CAMK1D: variants seen among roughly 807,000 people sequenced by gnomAD.
CAMK1D encodes the protein calcium/calmodulin dependent protein kinase ID, also known as calcium/calmodulin-dependent protein kinase type 1D.
In CAMK1D, 9 loss-of-function variants were observed where a neutral mutation model predicts 47.7. The ratio of observed to expected loss-of-function variants is 0.19; its 90% CI spans 0.11 to 0.33. CAMK1D has a LOEUF of 0.33. Among genes scored for constraint, CAMK1D ranks in the 10% least tolerant of loss-of-function variants. CAMK1D has a pLI of 1.00. For synonymous variants in CAMK1D, 184 were observed against 184.9 expected, an observed-to-expected ratio of 0.99 and a Z score of 0.04; for missense variants, 291 against 488.7, an observed-to-expected ratio of 0.60 and a Z score of 3.81.
chr10:12,520,040 G>A (rs1186690289), intron 1 of CAMK1D, among the ~76,000 whole-genome samples: 41 of 74,002 alleles, frequency 5.5e-4, no homozygotes, highest in East Asian at 1.4e-3. Context: ...CTCACCTCCC[G>A]GACGGGGCGG....
At chr10:12,547,868 C>G (rs544153278) in intron 1 of CAMK1D, among the ~76,000 whole-genome samples, 3 of 152,190 alleles carry the variant, frequency 2.0e-5, no homozygotes, top group Non-Finnish European at 4.4e-5. Flanking sequence ...TTTAAGAAGA[C>G]CAGAGAACTT....
intron 1 of CAMK1D, among the ~76,000 whole-genome samples, chr10:12,481,599 T>C (rs988462533): frequency 6.6e-6 from 1 of 152,096 alleles, no homozygotes; most frequent in African/African-American, 2.4e-5. Context: ...AACCTCCGCC[T>C]CCCAGGTTCC....
chr10:12,580,706 G>A (rs1468388362), intron 2 of CAMK1D, among the ~76,000 whole-genome samples: 4 of 152,216 alleles, frequency 2.6e-5, no homozygotes, highest in African/African-American at 9.7e-5. Context: ...ATGCAGGAGT[G>A]TGTGGAGAGG....
chr10:12,515,977 C>G (rs1349671108), intron 1 of CAMK1D, among the ~76,000 whole-genome samples: 2 of 152,030 alleles, frequency 1.3e-5, no homozygotes, highest in Non-Finnish European at 2.9e-5. Context: ...AGCATAATTT[C>G]TTTGGAGATT....
chr10:12,626,661 G>T (rs1839226575), intron 2 of CAMK1D, among the ~76,000 whole-genome samples: 1 of 152,062 alleles, frequency 6.6e-6, no homozygotes, highest in Non-Finnish European at 1.5e-5. Context: ...TTTTAGTAGA[G>T]ACAGGGTTTC....
intron 2 of CAMK1D, among the ~76,000 whole-genome samples, chr10:12,588,795 C>T (rs1184265000): frequency 2.4e-4 from 36 of 148,566 alleles, no homozygotes; most frequent in East Asian, 2.0e-3. Context: ...TATATACACA[C>T]ACACACACAC....
chr10:12,757,694 A>G (rs1836293755), intron 3 of CAMK1D, among the ~76,000 whole-genome samples: 2 of 152,260 alleles, frequency 1.3e-5, no homozygotes, highest in African/African-American at 4.8e-5. Context: ...TGGAGGCTGG[A>G]CGTCTGAGAT....
intron 2 of CAMK1D, among the ~76,000 whole-genome samples, chr10:12,660,359 C>G (rs1840240038): frequency 6.6e-6 from 1 of 152,210 alleles, no homozygotes; most frequent in South Asian, 2.1e-4. Context: ...ATGTTACTCT[C>G]ACTCCACAGA....
At chr10:12,629,930 T>C (rs905111126) in intron 2 of CAMK1D, among the ~76,000 whole-genome samples, 1 of 152,190 alleles carries the variant, frequency 6.6e-6, no homozygotes, top group Non-Finnish European at 1.5e-5. Context: ...TTCAGTCCAG[T>C]GATGTATACG....
Position 12,570,900 on chromosome 10 carries a change from G to A in CAMK1D, c.224+17544G>A, listed in dbSNP as rs574048400. Among the ~76,000 whole-genome samples the A allele has an allele frequency of 3.9e-5, 6 of 152,166 alleles. No individual in the cohort carries two copies. In the East Asian group the frequency reaches 5.8e-4, roughly 15 times the overall value. The stretch of plus-strand genomic sequence containing the variant: ...CCAGAGGCGGAGGTTGTAGTGAGCC[G>A]AGATTGCGTCACTGCACTCTAGCCT... On this transcript the variant is annotated intron_variant, in intron 2 of 10. Coordinates refer to ENST00000619168, the MANE Select transcript of CAMK1D (RefSeq NM_153498.4).
chr10:12,660,293 A>G (rs898897630), intron 2 of CAMK1D, among the ~76,000 whole-genome samples: 1 of 151,894 alleles, frequency 6.6e-6, no homozygotes, highest in Admixed American at 6.6e-5. Flanking sequence ...CTCATTTGCC[A>G]TGGAGTTAAA....
intron 8 of CAMK1D, among the ~76,000 whole-genome samples, chr10:12,819,892 G>A (rs574774512): frequency 2.0e-5 from 3 of 152,244 alleles, no homozygotes; most frequent in South Asian, 2.1e-4. Flanking sequence ...TGTCAGGGAC[G>A]GAGAAGCCAT....
At chr10:12,723,662 T>C (rs1296809229) in intron 3 of CAMK1D, among the ~76,000 whole-genome samples, 2 of 152,190 alleles carry the variant, frequency 1.3e-5, no homozygotes, top group East Asian at 1.9e-4. Context: ...GGCATTTTTT[T>C]CTATTAAAAT....
intron 5 of CAMK1D, among the ~76,000 whole-genome samples, chr10:12,783,445 A>T (rs1837588402): frequency 6.6e-6 from 1 of 152,226 alleles, no homozygotes; most frequent in South Asian, 2.1e-4. Flanking sequence ...CATGGAGGTG[A>T]GCAAAGCACC....
chr10:12,566,648 G>A lies in CAMK1D; in HGVS notation c.224+13292G>A, dbSNP rs545028629. ...GGTCATGGAGCTAAGCCGGGCAGAC[G>A]CGGAGCCAGAAGGATGGTTTCTGAC... is the stretch of plus-strand genomic sequence containing the variant. On this transcript the variant is annotated intron_variant, in intron 2 of 10. Transcript: ENST00000619168. Among the ~76,000 whole-genome samples the A allele has an allele frequency of 5.3e-5, 8 of 152,308 alleles. No individual in the cohort carries two copies. The East Asian group carries it at 5.8e-4, about 11-fold the overall frequency.
chr10:12,592,040 T>G (rs1012807271), intron 2 of CAMK1D, among the ~76,000 whole-genome samples: 3 of 118,200 alleles, frequency 2.5e-5, no homozygotes, highest in Admixed American at 7.6e-5. Context: ...TGTCTTTTCT[T>G]ATTTCAAAAG....
chr10:12,792,252 C>G (rs761377337), intron 6 of CAMK1D, among the ~76,000 whole-genome samples: 2 of 151,952 alleles, frequency 1.3e-5, no homozygotes, highest in African/African-American at 4.8e-5. Flanking sequence ...AATTCTAGGC[C>G]ATAGGCTTGT....
intron 10 of CAMK1D, among the ~76,000 whole-genome samples, chr10:12,827,472 GTCTTTCTTTCTT>G (rs1244927320): frequency 0.067 from 340 of 5,094 alleles, 107 homozygotes; most frequent in Middle Eastern, 0.14. Flanking sequence ...TTGTCTGTCT[GTCTTTCTTTCTT>G]TCTTTCTTTC....
At chr10:12,457,390 CAAA>C (rs60189486) in intron 1 of CAMK1D, among the ~76,000 whole-genome samples, 1 of 132,078 alleles carries the variant, frequency 7.6e-6, no homozygotes. Context: ...GACTCTGTCT[CAAA>C]AAAAAAAAAA....
Sources: gnomAD v4.1 joint callset for allele counts (sites outside exome capture counted in the v4.1 genomes callset) on GRCh38, gnomAD v4.1.1 for gene constraint, MANE v1.5 for transcripts, NCBI Gene and HGNC (gene_info 2026-07-23, HGNC 2026-07-21) for gene names.